The following NT5C3A variants were observed in gnomAD, a reference collection of about 807,000 sequenced individuals.
NT5C3A encodes 5'-nucleotidase, cytosolic IIIA.
NT5C3A carries 23 observed loss-of-function variants against 40.0 expected under a neutral mutation model. That is an observed-to-expected ratio of 0.58 (90% CI 0.41 to 0.81). The LOEUF (loss-of-function observed/expected upper bound fraction) is 0.81, where lower values mean the gene tolerates loss of function less well. Ranked by LOEUF, NT5C3A falls within the 40% of genes least tolerant of loss-of-function variation. The pLI, the probability that NT5C3A is intolerant of heterozygous loss-of-function variation, is 0.00. For synonymous variants in NT5C3A, 130 were observed against 141.4 expected (o/e 0.92, Z 0.57); for missense variants, 328 against 403.0 (o/e 0.81, Z 1.59).
At chr7:33,030,787 A>G (rs1485499299) in intron 1 of NT5C3A, among the ~76,000 whole-genome samples, 1 of 152,216 alleles carries the variant, frequency 6.6e-6, no homozygotes, top group Non-Finnish European at 1.5e-5. Context: ...TCTTGTGGAT[A>G]CACTGGGATA....
At chr7:33,023,816 A>T (rs1227431397) in intron 3 of NT5C3A, 6 of 536,448 alleles carry the variant, frequency 1.1e-5, no homozygotes, top group Non-Finnish European at 1.7e-5. Flanking sequence ...GAAATATTTC[A>T]GGAGTCTCTG....
At chr7:33,051,233 G>A (rs1787356563) in intron 1 of NT5C3A, among the ~76,000 whole-genome samples, 2 of 151,822 alleles carry the variant, frequency 1.3e-5, no homozygotes, top group South Asian at 4.2e-4. Context: ...GTGCAATCTT[G>A]GCTCACTGCA....
At chr7:33,044,723 C>G (rs939034047) in intron 1 of NT5C3A, among the ~76,000 whole-genome samples, 5 of 152,058 alleles carry the variant, frequency 3.3e-5, no homozygotes, top group Non-Finnish European at 4.4e-5. Context: ...TAGTTAAGAG[C>G]TTTTTAGATA....
At chr7:33,050,846 T>C (rs898128111) in intron 1 of NT5C3A, among the ~76,000 whole-genome samples, 33 of 152,208 alleles carry the variant, frequency 2.2e-4, no homozygotes, top group Admixed American at 2.2e-3. Flanking sequence ...AGAGTTAACA[T>C]AAAAGTGCGT....
intron 1 of NT5C3A, among the ~76,000 whole-genome samples, chr7:33,028,756 G>A (rs558462137): frequency 2.0e-5 from 3 of 152,024 alleles, no homozygotes; most frequent in African/African-American, 2.4e-5. Flanking sequence ...AGATGATAAC[G>A]AAAGTGTAGA....
In NT5C3A at chr7:33,014,796, A is replaced by G. The variant is rs750757594; in HGVS notation, c.930T>C (p.Tyr310=). 9.9e-6 allele frequency: 16 copies of G among 1,613,006 alleles called. No individual in the cohort carries two copies. Among genetic ancestry groups the G allele is most frequent in the Admixed American group, 1.7e-5 (1 of 59,994 alleles). Reference sequence around the variant, plus strand: ...ATTCATCTTGTACTAAAACAATATCATAAGAGTCCATGTACTTTTCTAAAA... The same window carrying G: ...ATTCATCTTGTACTAAAACAATATCGTAAGAGTCCATGTACTTTTCTAAAA... ...DELLEKYMDS[Y]DIVLVQDESL... is the part of the protein sequence containing the mutation. Residue 310 remains tyrosine, a synonymous_variant, in exon 9 of 9, where the codon TAT becomes TAC. Coordinates refer to ENST00000610140, the MANE Select transcript of NT5C3A (RefSeq NM_001002010.5).
intron 1 of NT5C3A, chr7:33,046,187 G>C (rs534964376): frequency 6.6e-6 from 1 of 152,276 alleles, no homozygotes; most frequent in East Asian, 1.9e-4. Flanking sequence ...ACAGACATAT[G>C]TATATGCAAA....
chr7:33,019,755 A>G, intron 5 of NT5C3A, 31 bp from the exon 6 acceptor site: 1 of 1,138,514 alleles, frequency 8.8e-7, no homozygotes, highest in Non-Finnish European at 1.3e-6. Flanking sequence ...AAAAAAGACT[A>G]TCAATTAAGA....
At chr7:33,045,177 C>T (rs1787095460) in intron 1 of NT5C3A, among the ~76,000 whole-genome samples, 1 of 152,232 alleles carries the variant, frequency 6.6e-6, no homozygotes, top group African/African-American at 2.4e-5. Context: ...ATGCAATAGT[C>T]TCTATACTGA....
rs570818046 is a variant in NT5C3A at position 33,014,947 on chromosome 7, C to A, written c.895-116G>T. The A allele has an allele frequency of 6.9e-4, 613 of 889,268 alleles. 3 individuals carry two copies. The African/African-American group carries it at 9.6e-3, about 14-fold the overall frequency. 55.1% of individuals were successfully genotyped at this position (889,268 alleles called of 1,614,324 possible). On this transcript the variant is annotated intron_variant, in intron 8 of 8. Transcript: ENST00000610140. ...AAATGCAATAAATTAAATTCACTTT[C>A]AAAAAATCTTTGAAATGAAGAAATA...
chr7:33,018,222 G>T (rs1785445099), intron 6 of NT5C3A, among the ~76,000 whole-genome samples: 1 of 152,132 alleles, frequency 6.6e-6, no homozygotes, highest in East Asian at 1.9e-4. Context: ...TATGAAGAAT[G>T]ACTTGATATT....
rs1316630052 is a variant in NT5C3A at position 33,019,237 on chromosome 7, C to G, written c.530+398G>C. Among the ~76,000 whole-genome samples the G allele has an allele frequency of 6.7e-5, 10 of 148,706 alleles. No individual in the cohort carries two copies. The East Asian group carries it at 2.0e-3, about 29-fold the overall frequency. ...TGTCACTACACTCTAACCTGGGCAA[C>G]AGAGAGAGACCCTGTCTTTAAAAAA... On this transcript the variant is annotated intron_variant, in intron 6 of 8. Transcript: ENST00000610140.
intron 1 of NT5C3A, among the ~76,000 whole-genome samples, chr7:33,049,945 G>A (rs536927379): frequency 1.4e-5 from 2 of 146,464 alleles, no homozygotes; most frequent in South Asian, 2.2e-4. Flanking sequence ...ACTCCAGCCT[G>A]GGCGACAGAG....
chr7:33,022,032 T>C (rs779028100), intron 4 of NT5C3A, 21 bp downstream of exon 4: 2 of 1,384,408 alleles, frequency 1.4e-6, no homozygotes, highest in Non-Finnish European at 2.1e-6. Flanking sequence ...TGAGTGACTA[T>C]AGATTGTTGT....
At chr7:33,030,406 T>C (rs987984817) in intron 1 of NT5C3A, among the ~76,000 whole-genome samples, 1 of 152,218 alleles carries the variant, frequency 6.6e-6, no homozygotes, top group Non-Finnish European at 1.5e-5. Flanking sequence ...GGCATATAAA[T>C]AATGATACTT....
chr7:33,030,903 T>A (rs1562593486), intron 1 of NT5C3A, among the ~76,000 whole-genome samples: 1 of 151,226 alleles, frequency 6.6e-6, no homozygotes, highest in Admixed American at 6.6e-5. Flanking sequence ...ATCGAGACCA[T>A]CCTGGCTAAC....
intron 7 of NT5C3A, among the ~76,000 whole-genome samples, chr7:33,016,415 T>G (rs1297906651): frequency 6.6e-6 from 1 of 151,314 alleles, no homozygotes; most frequent in African/African-American, 2.4e-5. Flanking sequence ...TTCACGCCTG[T>G]AATTCCAGCA....
intron 1 of NT5C3A, among the ~76,000 whole-genome samples, chr7:33,045,462 A>AT (rs763139628): frequency 0.032 from 4,720 of 146,288 alleles, 113 homozygotes; most frequent in South Asian, 0.12. Context: ...CAAATGAAAA[A>AT]TTTTTTTTTT....
At chr7:33,044,752 T>G in intron 1 of NT5C3A, among the ~76,000 whole-genome samples, 1 of 152,276 alleles carries the variant, frequency 6.6e-6, no homozygotes, top group East Asian at 1.9e-4. Context: ...TTCAATCAAC[T>G]TGAAAAACTA....
Sources: allele counts gnomAD v4.1 joint callset (sites outside exome capture counted in the v4.1 genomes callset), GRCh38; gene constraint gnomAD v4.1.1; transcripts MANE v1.5; gene names NCBI Gene and HGNC (gene_info 2026-07-23, HGNC 2026-07-21).